Variants in GALNT13 observed in about 807,000 individuals in gnomAD.
GALNT13 encodes UDP-GalNAc:polypeptide N-acetylgalactosaminyltransferase 13.
GALNT13 carries 28 observed loss-of-function variants against 64.2 expected under a neutral mutation model. The observed-to-expected ratio is 0.44, with a 90% confidence interval of 0.32 to 0.60. The LOEUF is 0.60. Among genes scored for constraint, GALNT13 ranks in the 20% least tolerant of loss-of-function variants. The pLI, the probability that GALNT13 is intolerant of heterozygous loss-of-function variation, is 0.05. For missense variants in GALNT13, 577 were observed against 669.8 expected, an observed-to-expected ratio of 0.86 and a Z score of 1.53; for synonymous variants, 214 against 224.6, an observed-to-expected ratio of 0.95 and a Z score of 0.42.
chr2:153,303,193 A>T, the GALNT13 span, among the ~76,000 whole-genome samples: 11 of 151,882 alleles, frequency 7.2e-5, no homozygotes, highest in Non-Finnish European at 1.6e-4. Flanking sequence ...CTTTCCACTT[A>T]CTTGCATTTT....
At chr2:153,340,083 G>A in the GALNT13 span, among the ~76,000 whole-genome samples, 3 of 152,006 alleles carry the variant, frequency 2.0e-5, no homozygotes, top group Non-Finnish European at 4.4e-5. Context: ...GCTATTTTGG[G>A]TCCTTTGTAG....
intron 2 of GALNT13, among the ~76,000 whole-genome samples, chr2:153,938,305 A>T (rs555745706): frequency 6.6e-6 from 1 of 152,290 alleles, no homozygotes; most frequent in South Asian, 2.1e-4. Flanking sequence ...GATTGTTTAT[A>T]TGTTCTCTGT....
At chr2:153,561,796 TTAAC>T in the GALNT13 span, among the ~76,000 whole-genome samples, 11 of 152,110 alleles carry the variant, frequency 7.2e-5, no homozygotes, top group African/African-American at 2.7e-4. Flanking sequence ...TCCTCATTAA[TTAAC>T]TGTTGACTTT....
At chr2:153,174,999 G>T in the GALNT13 span, among the ~76,000 whole-genome samples, 11 of 152,066 alleles carry the variant, frequency 7.2e-5, no homozygotes, top group Non-Finnish European at 1.2e-4. Context: ...AGGATTATTA[G>T]ATTTGATTAC....
At chr2:154,313,354 C>CAT (rs983253285) in intron 9 of GALNT13, among the ~76,000 whole-genome samples, 1 of 146,586 alleles carries the variant, frequency 6.8e-6, no homozygotes, top group Admixed American at 6.9e-5. Context: ...TATATTTATA[C>CAT]ATATATATAC....
Position 154,449,482 on chromosome 2 carries a change from A to G in GALNT13, c.1531-929A>G, listed in dbSNP as rs1219323038. ...TTGCCTTTAATTTTGGTAATTTGCA[A>G]AAAAAAAAGTATCTAGAGTGCTATT... On this transcript the variant is annotated intron_variant, in intron 12 of 12. Transcript: ENST00000392825. Among the ~76,000 whole-genome samples the G allele has an allele frequency of 4.9e-5, 5 of 101,380 alleles. No individual in the cohort carries two copies. The South Asian group carries it at 1.6e-3, about 33-fold the overall frequency. The allele number at this position is 101,380 out of a possible 152,430, so 66.5% of individuals were successfully genotyped here.
At chr2:153,586,767 T>A in the GALNT13 span, among the ~76,000 whole-genome samples, 6 of 152,324 alleles carry the variant, frequency 3.9e-5, no homozygotes, top group African/African-American at 1.4e-4. Flanking sequence ...TCCTTAAGAC[T>A]GACCATATGT....
chr2:153,339,189 C>CTG, the GALNT13 span, among the ~76,000 whole-genome samples: 3 of 152,122 alleles, frequency 2.0e-5, no homozygotes, highest in Non-Finnish European at 4.4e-5. Context: ...TTTTGAAGAA[C>CTG]TTCCAACCTG....
chr2:153,481,783 T>G, the GALNT13 span, among the ~76,000 whole-genome samples: 1 of 152,194 alleles, frequency 6.6e-6, no homozygotes, highest in Non-Finnish European at 1.5e-5. Context: ...ATAGTTTGAA[T>G]AGCCTTGAAG....
chr2:154,323,366 T>G (rs1413643714), intron 9 of GALNT13, among the ~76,000 whole-genome samples: 1 of 152,086 alleles, frequency 6.6e-6, no homozygotes, highest in Non-Finnish European at 1.5e-5. Flanking sequence ...CCCTAAACTT[T>G]GAGTAAAGAG....
At chr2:153,417,152 A>C in the GALNT13 span, among the ~76,000 whole-genome samples, 1 of 152,192 alleles carries the variant, frequency 6.6e-6, no homozygotes, top group Non-Finnish European at 1.5e-5. Flanking sequence ...AAGAAAAGAG[A>C]CAGTGCTAAA....
chr2:153,557,897 C>A, the GALNT13 span, among the ~76,000 whole-genome samples: 1 of 152,254 alleles, frequency 6.6e-6, no homozygotes, highest in East Asian at 1.9e-4. Flanking sequence ...AATTTTTGCT[C>A]TACTAACTGT....
At chr2:153,748,875 A>G in the GALNT13 span, among the ~76,000 whole-genome samples, 6 of 151,974 alleles carry the variant, frequency 3.9e-5, no homozygotes, top group South Asian at 6.2e-4. Context: ...CCTGGAAAAA[A>G]AAAGAAAGAA....
chr2:154,086,090 A>G (rs1209667223), intron 3 of GALNT13, among the ~76,000 whole-genome samples: 1 of 149,430 alleles, frequency 6.7e-6, no homozygotes, highest in Non-Finnish European at 1.5e-5. Flanking sequence ...TTGAGCAATT[A>G]TGTGCTATTT....
chr2:154,267,343 A>T (rs1458669175), intron 8 of GALNT13, among the ~76,000 whole-genome samples: 1 of 152,144 alleles, frequency 6.6e-6, no homozygotes, highest in Non-Finnish European at 1.5e-5. Flanking sequence ...AAAATTTAAA[A>T]ACTTGTGCTT....
the GALNT13 span, among the ~76,000 whole-genome samples, chr2:153,122,365 A>C: frequency 6.6e-6 from 1 of 152,164 alleles, no homozygotes; most frequent in Non-Finnish European, 1.5e-5. Context: ...TAGTATTTTG[A>C]CCTGGCTAGA....
downstream of GALNT13, among the ~76,000 whole-genome samples, chr2:154,455,074 A>G (rs192929962): frequency 1.9e-4 from 29 of 152,288 alleles, no homozygotes; most frequent in Non-Finnish European, 1.5e-5. Flanking sequence ...TGATTTTGCC[A>G]TGGTGCTTAG....
chr2:153,859,219 G>T, the GALNT13 span, among the ~76,000 whole-genome samples: 1 of 152,160 alleles, frequency 6.6e-6, no homozygotes, highest in East Asian at 1.9e-4. Flanking sequence ...AATTTTTCTA[G>T]ATCTAATTTT....
At chr2:153,193,503 G>A in the GALNT13 span, among the ~76,000 whole-genome samples, 2 of 151,202 alleles carry the variant, frequency 1.3e-5, no homozygotes, top group African/African-American at 2.4e-5. Context: ...GCTAGATGAC[G>A]AGTTAGTGGG....
Sources: allele counts gnomAD v4.1 joint callset (sites outside exome capture counted in the v4.1 genomes callset), GRCh38; gene constraint gnomAD v4.1.1; transcripts MANE v1.5; gene names NCBI Gene and HGNC (gene_info 2026-07-23, HGNC 2026-07-21).